Variants in ITSN1 observed in about 807,000 individuals in gnomAD.
The protein encoded by ITSN1 is intersectin-1.
A neutral mutation model predicts 239.8 loss-of-function variants in ITSN1; 58 were observed. The ratio of observed to expected loss-of-function variants is 0.24; its 90% CI spans 0.20 to 0.30. The LOEUF is 0.30. Among genes scored for constraint, ITSN1 ranks in the 10% least tolerant of loss-of-function variants. The probability of loss-of-function intolerance (pLI) is 1.00; values close to 1 mark genes in which losing one functional copy is unlikely to be tolerated. For missense variants in ITSN1, 1,558 were observed against 2,103.3 expected, an observed-to-expected ratio of 0.74 and a Z score of 5.07; for synonymous variants, 780 against 770.8, an observed-to-expected ratio of 1.01 and a Z score of -0.20.
At chr21:33,836,852 T>C in intron 29 of ITSN1, 4 of 550,346 alleles carry the variant, frequency 7.3e-6, no homozygotes, top group East Asian at 3.4e-5. Context: ...GTCCCCTCCC[T>C]CCCCTCCCTC....
chr21:33,771,465 G>T (rs550568275), intron 11 of ITSN1, among the ~76,000 whole-genome samples: 100 of 152,106 alleles, frequency 6.6e-4, no homozygotes, highest in African/African-American at 2.4e-3. Context: ...GAAATAAAAT[G>T]GACATAAAGT....
At position 33,890,016 on chromosome 21, in the gene ITSN1, G is replaced by A. The variant is rs907576232; in HGVS notation, c.*1716G>A. On this transcript the variant is annotated 3_prime_UTR_variant, in exon 40 of 40. Coordinates refer to ENST00000381318, the MANE Select transcript of ITSN1 (RefSeq NM_003024.3). The stretch of plus-strand genomic sequence containing the variant: ...TTTTTGAAACAAGCAAATATACCCT[G>A]TAGTTAGAAACTTTCAACTGAACAT... 1.3e-5 allele frequency: 2 copies of A among 152,194 alleles called. No individual in the cohort carries two copies. The highest frequency in any genetic ancestry group is 2.9e-5 in the Non-Finnish European group (2 of 68,028). The allele number at this position is 152,194 out of a possible 1,614,324, so 9.4% of individuals were successfully genotyped here.
At chr21:33,829,328 G>A in intron 26 of ITSN1, 1 of 382,694 alleles carries the variant, frequency 2.6e-6, no homozygotes, top group South Asian at 2.5e-5. Context: ...GAAGGTGCCA[G>A]GAGTGGGCAA....
chr21:33,680,456 C>T (rs1009783701), intron 1 of ITSN1, among the ~76,000 whole-genome samples: 3 of 151,630 alleles, frequency 2.0e-5, no homozygotes, highest in African/African-American at 4.9e-5. Context: ...CTCAGCCTCT[C>T]GAGTAGCTGG....
chr21:33,773,230 G>A (rs4416303), intron 12 of ITSN1, among the ~76,000 whole-genome samples: 113,679 of 151,814 alleles, frequency 0.75, 42,943 homozygotes, highest in East Asian at 0.99. Flanking sequence ...CTGATCTCGA[G>A]CTCCTGACCT....
chr21:33,680,905 G>A (rs1474706854), intron 1 of ITSN1, among the ~76,000 whole-genome samples: 1 of 152,168 alleles, frequency 6.6e-6, no homozygotes, highest in Non-Finnish European at 1.5e-5. Flanking sequence ...GTTTAGTCGG[G>A]TATATTAATT....
At chr21:33,644,325 T>G (rs535012033) in intron 1 of ITSN1, among the ~76,000 whole-genome samples, 3 of 152,368 alleles carry the variant, frequency 2.0e-5, no homozygotes, top group Admixed American at 1.3e-4. Context: ...TTAAGTCATA[T>G]AAATTAAGAA....
intron 21 of ITSN1, among the ~76,000 whole-genome samples, chr21:33,813,048 G>A (rs1276364203): frequency 2.0e-5 from 3 of 151,942 alleles, no homozygotes; most frequent in Non-Finnish European, 4.4e-5. Context: ...ATGTTTCTCC[G>A]GGGCTTTGCA....
At chr21:33,704,767 A>G (rs2092168893) in intron 1 of ITSN1, among the ~76,000 whole-genome samples, 1 of 151,910 alleles carries the variant, frequency 6.6e-6, no homozygotes, top group African/African-American at 2.4e-5. Flanking sequence ...TGTCATTTGA[A>G]TGAGATAAGG....
intron 1 of ITSN1, among the ~76,000 whole-genome samples, chr21:33,645,705 C>T (rs1454363867): frequency 1.3e-5 from 2 of 152,260 alleles, no homozygotes; most frequent in African/African-American, 4.8e-5. Context: ...TTTCTGTCAC[C>T]TCGCTTCAGA....
At chr21:33,840,603 C>G (rs575031105) in intron 29 of ITSN1, among the ~76,000 whole-genome samples, 1 of 152,194 alleles carries the variant, frequency 6.6e-6, no homozygotes, top group African/African-American at 2.4e-5. Flanking sequence ...CTCAAGTGAT[C>G]CACCCGCCTC....
intron 29 of ITSN1, among the ~76,000 whole-genome samples, chr21:33,852,457 A>G (rs906077499): frequency 1.3e-5 from 2 of 152,232 alleles, no homozygotes; most frequent in African/African-American, 2.4e-5. Flanking sequence ...TACTTTTGTA[A>G]TAAAACAAGT....
In ITSN1 at chr21:33,875,530, C is replaced by A. The variant is rs550089588; in HGVS notation, c.4341+9C>A. On this transcript the variant is annotated intron_variant, in intron 34 of 39. Transcript: ENST00000381318. ...GTGAAGGCCTGTCTGAGGTAGCCAA[C>A]CTTGGGGCTGGGCCCTGGTCTCCCC... is the stretch of plus-strand genomic sequence containing the variant. 3 of 1,611,602 alleles carry A rather than the reference C, an allele frequency of 1.9e-6. No individual in the cohort carries two copies. The East Asian group carries it at 6.7e-5, about 36-fold the overall frequency.
chr21:33,897,924 G>C lies in ITSN1; in HGVS notation c.*9624G>C, dbSNP rs1986874342. 1 of 151,982 alleles carries C rather than the reference G, an allele frequency of 6.6e-6. No individual in the cohort carries two copies. Among genetic ancestry groups the C allele is most frequent in the Admixed American group, 6.5e-5 (1 of 15,280 alleles). The allele number at this position is 151,982 out of a possible 1,614,324, so 9.4% of individuals were successfully genotyped here. A position where few individuals can be genotyped will look rare whatever the true frequency, so the allele number is the denominator to read the frequency against. The stretch of plus-strand genomic sequence containing the variant: ...AAATGAGTCATTTTTTTTCCTGCAG[G>C]AAATATGATAAATTTCAGTGTAATG... On this transcript the variant is annotated 3_prime_UTR_variant, in exon 40 of 40. Transcript: ENST00000381318.
chr21:33,832,711 A>G (rs1429945861), intron 27 of ITSN1, among the ~76,000 whole-genome samples: 2 of 152,148 alleles, frequency 1.3e-5, no homozygotes, highest in Non-Finnish European at 2.9e-5. Context: ...CACTGTAAAC[A>G]TAAAAGCTTT....
At chr21:33,650,750 A>G (rs997102430) in intron 1 of ITSN1, among the ~76,000 whole-genome samples, 1 of 152,240 alleles carries the variant, frequency 6.6e-6, no homozygotes, top group African/African-American at 2.4e-5. Context: ...TGAAAAATTG[A>G]CAAGAAAATG....
At chr21:33,800,648 A>G (rs2071921041) in intron 19 of ITSN1, among the ~76,000 whole-genome samples, 1 of 152,168 alleles carries the variant, frequency 6.6e-6, no homozygotes, top group Non-Finnish European at 1.5e-5. Context: ...TGATGTGACT[A>G]AAACTATAGG....
intron 29 of ITSN1, chr21:33,838,087 G>A: frequency 2.0e-6 from 2 of 985,732 alleles, no homozygotes; most frequent in Non-Finnish European, 1.2e-6. Context: ...AATATGAAAT[G>A]GAGCTCATGG....
At position 33,834,877 on chromosome 21, in the gene ITSN1, G is replaced by GTGA. The variant is rs377180431; in HGVS notation, c.3469+454_3469+456dup. ...CACTGAAGACCAAAATAGCTCCCCT[G>GTGA]TGACATTCACTGTGGGCAGAGGGGG... On this transcript the variant is annotated intron_variant, in intron 28 of 39. Coordinates refer to ENST00000381318, the MANE Select transcript of ITSN1 (RefSeq NM_003024.3). Among the ~76,000 whole-genome samples, 350 of 152,288 alleles carry GTGA rather than the reference G, an allele frequency of 2.3e-3. 4 individuals carry two copies. The highest frequency in any genetic ancestry group is 8.3e-3 in the African/African-American group (343 of 41,554).
Sources: gnomAD v4.1 joint callset for allele counts (sites outside exome capture counted in the v4.1 genomes callset) on GRCh38, gnomAD v4.1.1 for gene constraint, MANE v1.5 for transcripts, NCBI Gene and HGNC (gene_info 2026-07-23, HGNC 2026-07-21) for gene names.